The following STK38 variants were observed in gnomAD, a reference collection of about 807,000 sequenced individuals.
STK38 encodes the protein serine/threonine-protein kinase 38.
In STK38, 26 loss-of-function variants were observed where a neutral mutation model predicts 59.0. That is an observed-to-expected ratio of 0.44 (90% CI 0.32 to 0.61). STK38 has a LOEUF of 0.61. Ranked by LOEUF, STK38 falls within the 20% of genes least tolerant of loss-of-function variation. STK38 has a pLI of 0.04. For synonymous variants in STK38, 175 were observed against 176.6 expected, an observed-to-expected ratio of 0.99 and a Z score of 0.07; for missense variants, 433 against 566.0, an observed-to-expected ratio of 0.76 and a Z score of 2.38.
intron 1 of STK38, among the ~76,000 whole-genome samples, chr6:36,545,077 G>A (rs1432711113): frequency 2.0e-5 from 3 of 151,926 alleles, no homozygotes; most frequent in African/African-American, 7.3e-5. Context: ...ATCACCTGAA[G>A]TCAGGAGTTG....
At chr6:36,515,518 C>CCCCA in intron 6 of STK38, 26 bp from the exon 7 acceptor site, 1 of 1,537,648 alleles carries the variant, frequency 6.5e-7, no homozygotes, top group Admixed American at 1.9e-5. Flanking sequence ...TACAAAGCCA[C>CCCCA]CACACACACA....
intron 7 of STK38, among the ~76,000 whole-genome samples, chr6:36,512,097 T>A (rs1406126836): frequency 6.6e-6 from 1 of 152,114 alleles, no homozygotes; most frequent in Non-Finnish European, 1.5e-5. Context: ...AGAAAGAAAG[T>A]AAAACTTTTT....
At position 36,509,935 on chromosome 6, in the gene STK38, T is replaced by C. The variant is rs117380738; in HGVS notation, c.670-2333A>G. On this transcript the variant is annotated intron_variant, in intron 7 of 13. Transcript: ENST00000229812. ...ATCTGCCAGAGTGTGAGTCCAGGGT[T>C]TGTATGGGTTTCAAAAGAGAGAAAG... 5.1e-3 allele frequency among the ~76,000 whole-genome samples: 781 copies of C among 152,160 alleles called. 10 individuals carry two copies. The highest frequency in any genetic ancestry group is 0.037 in the Middle Eastern group (11 of 294).
At chr6:36,514,501 G>C (rs931557729) in intron 7 of STK38, among the ~76,000 whole-genome samples, 1 of 152,040 alleles carries the variant, frequency 6.6e-6, no homozygotes, top group African/African-American at 2.4e-5. Flanking sequence ...GGGATTTTAG[G>C]GGTTTCCTAG....
At chr6:36,536,501 T>C (rs1777793923) in intron 2 of STK38, among the ~76,000 whole-genome samples, 1 of 151,988 alleles carries the variant, frequency 6.6e-6, no homozygotes, top group Non-Finnish European at 1.5e-5. Flanking sequence ...ACCTTGACTC[T>C]AAAAAAACAA....
Position 36,497,475 on chromosome 6 carries a change from C to T in STK38, c.1172+305G>A, listed in dbSNP as rs193175415. Among the ~76,000 whole-genome samples the T allele has an allele frequency of 1.5e-3, 231 of 152,342 alleles. 1 individual carries two copies. Among genetic ancestry groups the T allele is most frequent in the Non-Finnish European group, 2.4e-3 (161 of 68,030 alleles). ...CTGTGGGCAGGAACAGTCCCGCTGG[C>T]GGGACCTAAGAGGTTGCTGAGTTCT... On this transcript the variant is annotated intron_variant, in intron 12 of 13. Coordinates refer to ENST00000229812, the MANE Select transcript of STK38 (RefSeq NM_007271.4).
chr6:36,527,814 T>C (rs1429703834), intron 2 of STK38, among the ~76,000 whole-genome samples: 3 of 151,738 alleles, frequency 2.0e-5, no homozygotes, highest in African/African-American at 7.3e-5. Flanking sequence ...GACTACAGTA[T>C]GCTGGCCAGG....
chr6:36,542,836 C>T (rs1055124980), intron 1 of STK38, among the ~76,000 whole-genome samples: 9 of 150,102 alleles, frequency 6.0e-5, no homozygotes, highest in Non-Finnish European at 1.0e-4. Context: ...ATCCCAGCTA[C>T]TCGGGAGGCT....
At chr6:36,499,642 A>G (rs1299093643) in intron 10 of STK38, among the ~76,000 whole-genome samples, 2 of 152,220 alleles carry the variant, frequency 1.3e-5, no homozygotes, top group South Asian at 2.1e-4. Flanking sequence ...AAGGTATAAG[A>G]GAAAGAAAAA....
At chr6:36,539,994 T>C in intron 2 of STK38, 78 bp downstream of exon 2, 1 of 1,579,958 alleles carries the variant, frequency 6.3e-7, no homozygotes, top group East Asian at 2.3e-5. Context: ...TTGTCTCCTT[T>C]CAGCATTATA....
chr6:36,520,345 CATT>C (rs1260383940), intron 5 of STK38, among the ~76,000 whole-genome samples: 1 of 152,194 alleles, frequency 6.6e-6, no homozygotes, highest in Non-Finnish European at 1.5e-5. Flanking sequence ...GCTTTTTACA[CATT>C]ATGTCTGGAT....
At chr6:36,499,601 T>C (rs1279217047) in intron 10 of STK38, among the ~76,000 whole-genome samples, 1 of 152,008 alleles carries the variant, frequency 6.6e-6, no homozygotes, top group Non-Finnish European at 1.5e-5. Flanking sequence ...TAAATGCTAG[T>C]GACTAAAAGA....
chr6:36,534,606 T>C (rs1307702829), intron 2 of STK38, among the ~76,000 whole-genome samples: 2 of 152,080 alleles, frequency 1.3e-5, no homozygotes, highest in Non-Finnish European at 2.9e-5. Context: ...TGAGCCATGA[T>C]TGTGCCACCT....
At chr6:36,517,458 T>C (rs1426943283) in intron 6 of STK38, among the ~76,000 whole-genome samples, 1 of 152,084 alleles carries the variant, frequency 6.6e-6, no homozygotes, top group East Asian at 1.9e-4. Context: ...TCCTATATAT[T>C]TTAAAAAGAA....
chr6:36,497,792 C>T lies in STK38; in HGVS notation c.1160G>A (p.Trp387Ter). 1.2e-6 allele frequency: 2 copies of T among 1,612,296 alleles called. No homozygotes were observed. Among genetic ancestry groups the T allele is most frequent in the Non-Finnish European group, 1.7e-6 (2 of 1,178,994 alleles). The change falls in exon 12 of 14, where the codon TGG (tryptophan) becomes TAG (stop). Residue 387 changes from tryptophan (W) to a stop codon, truncating the protein, a stop_gained. Transcript: ENST00000229812. LOFTEE classifies it high-confidence loss of function. Reference sequence around the variant, plus strand: ...TATATGGATATACCTGATATGTTCCCAGTCAACGCCTTCAAAAAAAGAGTT... The same window carrying T: ...TATATGGATATACCTGATATGTTCCTAGTCAACGCCTTCAAAAAAAGAGTT... ...KSNSFFEGVD[W>*]EHIRERPAAI... is the part of the protein sequence containing the mutation.
chr6:36,509,281 A>G (rs916720934), intron 7 of STK38, among the ~76,000 whole-genome samples: 1 of 152,194 alleles, frequency 6.6e-6, no homozygotes, highest in Admixed American at 6.5e-5. Context: ...CAAGCAGGTC[A>G]TCCTGACATC....
At chr6:36,528,834 T>C (rs1777599086) in intron 2 of STK38, among the ~76,000 whole-genome samples, 2 of 152,338 alleles carry the variant, frequency 1.3e-5, no homozygotes, top group Non-Finnish European at 2.9e-5. Context: ...ACCAGTCCAA[T>C]GCACTATCCA....
intron 2 of STK38, among the ~76,000 whole-genome samples, chr6:36,527,226 A>T (rs1376331978): frequency 6.9e-6 from 1 of 144,050 alleles, no homozygotes; most frequent in Non-Finnish European, 1.5e-5. Flanking sequence ...ATATATATAT[A>T]TATTTATATG....
chr6:36,502,576 A>G (rs191116492), intron 9 of STK38, among the ~76,000 whole-genome samples: 1 of 152,202 alleles, frequency 6.6e-6, no homozygotes, highest in Non-Finnish European at 1.5e-5. Flanking sequence ...ATGAAGTAGT[A>G]TTTGTTACCA....
Sources: allele counts gnomAD v4.1 joint callset (sites outside exome capture counted in the v4.1 genomes callset), GRCh38; gene constraint gnomAD v4.1.1; transcripts MANE v1.5; gene names NCBI Gene and HGNC (gene_info 2026-07-23, HGNC 2026-07-21).